The following RPS6KA5 variants were observed in gnomAD, a reference collection of about 807,000 sequenced individuals.
The protein encoded by RPS6KA5 is ribosomal protein S6 kinase A5.
RPS6KA5 carries 27 observed loss-of-function variants against 85.5 expected under a neutral mutation model. The ratio of observed to expected loss-of-function variants is 0.32; its 90% CI spans 0.23 to 0.44. The LOEUF is 0.44. Ranked by LOEUF, RPS6KA5 falls within the 20% of genes least tolerant of loss-of-function variation. The pLI, the probability that RPS6KA5 is intolerant of heterozygous loss-of-function variation, is 1.00. For missense variants in RPS6KA5, 811 were observed against 980.9 expected, an observed-to-expected ratio of 0.83 and a Z score of 2.31; for synonymous variants, 334 against 348.2, an observed-to-expected ratio of 0.96 and a Z score of 0.46.
At chr14:90,918,994 T>C (rs1299858194) in intron 7 of RPS6KA5, among the ~76,000 whole-genome samples, 4 of 152,174 alleles carry the variant, frequency 2.6e-5, no homozygotes, top group African/African-American at 9.6e-5. Context: ...AAAAAATGCC[T>C]GCTGGAAATG....
chr14:90,967,259 G>A (rs995760842), intron 3 of RPS6KA5, among the ~76,000 whole-genome samples: 14 of 151,970 alleles, frequency 9.2e-5, no homozygotes, highest in African/African-American at 3.4e-4. Context: ...TTCTTAAATG[G>A]TCTTCTTTAT....
intron 1 of RPS6KA5, among the ~76,000 whole-genome samples, chr14:91,002,927 T>C (rs1490555150): frequency 2.0e-5 from 3 of 152,180 alleles, no homozygotes; most frequent in South Asian, 2.1e-4. Context: ...AGAGTTCACA[T>C]TGACATCAGT....
In RPS6KA5 at chr14:90,864,234, G is replaced by A. The variant is rs1008381535; in HGVS notation, c.*7840C>T. Reference sequence around the variant, plus strand: ...GGCTCACTGCAACCTCTGCCTCCTGGGTTCAAGCGATTCTCCTGCCTCAGC... The same window carrying A: ...GGCTCACTGCAACCTCTGCCTCCTGAGTTCAAGCGATTCTCCTGCCTCAGC... On this transcript the variant is annotated 3_prime_UTR_variant, in exon 17 of 17. Coordinates refer to ENST00000614987, the MANE Select transcript of RPS6KA5 (RefSeq NM_004755.4). The A allele has an allele frequency of 2.0e-5, 3 of 152,968 alleles. No individual in the cohort carries two copies. The highest frequency in any genetic ancestry group is 7.2e-5 in the African/African-American group (3 of 41,462). The allele number at this position is 152,968 out of a possible 1,614,324, so 9.5% of individuals were successfully genotyped here. A position where few individuals can be genotyped will look rare whatever the true frequency, so the allele number is the denominator to read the frequency against.
Position 91,030,192 on chromosome 14 carries a change from G to A in RPS6KA5, c.104-29033C>T, listed in dbSNP as rs181964634. On this transcript the variant is annotated intron_variant, in intron 1 of 16. Coordinates refer to ENST00000614987, the MANE Select transcript of RPS6KA5 (RefSeq NM_004755.4). ...TGCAAACAGGGGAAATGTCTGAAACGGATTTAAGGAGTTTTATTCCCCAAG... is the reference window on the plus strand; with the variant it reads ...TGCAAACAGGGGAAATGTCTGAAACAGATTTAAGGAGTTTTATTCCCCAAG... Among the ~76,000 whole-genome samples, 357 of 152,180 alleles carry A rather than the reference G, an allele frequency of 2.3e-3. 1 individual carries two copies. Among genetic ancestry groups the A allele is most frequent in the Non-Finnish European group, 2.7e-3 (184 of 67,998 alleles).
chr14:90,890,637 T>C lies in RPS6KA5; in HGVS notation c.1686A>G (p.Lys562=). 2 of 1,614,108 alleles carry C rather than the reference T, an allele frequency of 1.2e-6. No homozygotes were observed. The highest frequency in any genetic ancestry group is 1.7e-6 in the Non-Finnish European group (2 of 1,179,990). The change falls in exon 14 of 17, where the codon AAA becomes AAG. Residue 562 remains lysine, a synonymous_variant. Coordinates refer to ENST00000614987, the MANE Select transcript of RPS6KA5 (RefSeq NM_004755.4). ...FTDENDNLEI[K]IIDFGFARLK... Reference sequence around the variant, plus strand: ...GCCGTGCAAATCCAAAATCAATTATTTTAATTTCCAAATTGTCATTTTCAT... The same window carrying C: ...GCCGTGCAAATCCAAAATCAATTATCTTAATTTCCAAATTGTCATTTTCAT...
Position 90,863,326 on chromosome 14 carries a change from A to AAAAAAAAAAAAAAAAAAAAG in RPS6KA5, c.*8747_*8748insCTTTTTTTTTTTTTTTTTTT, listed in dbSNP as rs1566662643. On this transcript the variant is annotated 3_prime_UTR_variant, in exon 17 of 17. Transcript: ENST00000614987. ...TCAAAAAAAAAAAAAAAAAAAAAAA[A>AAAAAAAAAAAAAAAAAAAAG]AAAAGAAAAGAAAAGAAAAAAATAT... 2.8e-5 allele frequency: 4 copies of AAAAAAAAAAAAAAAAAAAAG among 141,508 alleles called. No individual in the cohort carries two copies. The highest frequency in any genetic ancestry group is 1.1e-4 in the African/African-American group (4 of 35,492). The allele number at this position is 141,508 out of a possible 1,614,324, so 8.8% of individuals were successfully genotyped here.
intron 3 of RPS6KA5, among the ~76,000 whole-genome samples, chr14:90,974,037 C>CAAAAAAAAAAAAAA (rs56212923): frequency 9.8e-5 from 6 of 61,452 alleles, no homozygotes; most frequent in Admixed American, 2.6e-4. Context: ...GACTCCATCT[C>CAAAAAAAAAAAAAA]AAAAAAAAAA....
chr14:90,900,181 T>A lies in RPS6KA5; in HGVS notation c.1306A>T (p.Ser436Cys). 6.2e-7 allele frequency: 1 copy of A among 1,606,178 alleles called. No individual in the cohort carries two copies. The highest frequency in any genetic ancestry group is 8.5e-7 in the Non-Finnish European group (1 of 1,175,522). ...DLKDKPLGEGSFSICRKCVHK... is the reference protein window; with the variant it reads ...DLKDKPLGEGCFSICRKCVHK... ...ACACACTTTCGACAAATTGAAAAAC[T>A]ACCTTCTCCCAGGGGTTTGTCCTTC... is the stretch of plus-strand genomic sequence containing the variant. The change falls in exon 11 of 17, where the codon AGT becomes TGT. Residue 436 changes from serine (S) to cysteine (C), a missense_variant. Physicochemically the swap from Ser to Cys is moderately radical, Grantham distance 112. Transcript: ENST00000614987.
intron 5 of RPS6KA5, among the ~76,000 whole-genome samples, chr14:90,928,891 C>T (rs2036824725): frequency 6.6e-6 from 1 of 151,870 alleles, no homozygotes; most frequent in South Asian, 2.1e-4. Flanking sequence ...GTGACAAATG[C>T]AATTTTATAC....
rs956685241 is a variant in RPS6KA5 at position 90,867,631 on chromosome 14, T to C, written c.*4443A>G. 1 of 152,200 alleles carries C rather than the reference T, an allele frequency of 6.6e-6. No individual in the cohort carries two copies. The highest frequency in any genetic ancestry group is 1.5e-5 in the Non-Finnish European group (1 of 68,018). The allele number at this position is 152,200 out of a possible 1,614,324, so 9.4% of individuals were successfully genotyped here. A position where few individuals can be genotyped will look rare whatever the true frequency, so the allele number is the denominator to read the frequency against. On this transcript the variant is annotated 3_prime_UTR_variant, in exon 17 of 17. Transcript: ENST00000614987. Reference sequence around the variant, plus strand: ...GCCTGATGAATAACTACTAAGAATCTTGTCTTTTAATACAAGTCTCCTTCT... The same window carrying C: ...GCCTGATGAATAACTACTAAGAATCCTGTCTTTTAATACAAGTCTCCTTCT...
Position 90,872,320 on chromosome 14 carries a change from G to C in RPS6KA5, c.2163C>G (p.Ala721=). The C allele has an allele frequency of 6.2e-7, 1 of 1,602,920 alleles. No individual in the cohort carries two copies. The highest frequency in any genetic ancestry group is 1.4e-5 in the African/African-American group (1 of 73,936). ...VHTCVKATFH[A]FNKYKREGFC... ...ACCCCTCTCTCTTGTATTTGTTAAAGGCCTGGCGGGGGAAAAAAAGGGAAC... is the reference window on the plus strand; with the variant it reads ...ACCCCTCTCTCTTGTATTTGTTAAACGCCTGGCGGGGGAAAAAAAGGGAAC... The change falls in exon 17 of 17, where the codon GCC becomes GCG. Residue 721 remains alanine (A), a splice_region_variant and synonymous_variant. Coordinates refer to ENST00000614987, the MANE Select transcript of RPS6KA5 (RefSeq NM_004755.4).
At chr14:90,905,012 A>C (rs1438590481) in intron 8 of RPS6KA5, among the ~76,000 whole-genome samples, 1 of 152,216 alleles carries the variant, frequency 6.6e-6, no homozygotes, top group African/African-American at 2.4e-5. Flanking sequence ...TTGTTCAAAG[A>C]GTAATCCTTC....
At chr14:90,999,504 G>A (rs1307539647) in intron 2 of RPS6KA5, among the ~76,000 whole-genome samples, 1 of 152,174 alleles carries the variant, frequency 6.6e-6, no homozygotes, top group Non-Finnish European at 1.5e-5. Flanking sequence ...TGAGAATGGG[G>A]AGGAGGAGGG....
intron 12 of RPS6KA5, among the ~76,000 whole-genome samples, chr14:90,895,528 T>C (rs1338807806): frequency 1.3e-5 from 2 of 152,198 alleles, no homozygotes; most frequent in East Asian, 1.9e-4. Context: ...GTAAGTTATA[T>C]GTTTACCATC....
intron 1 of RPS6KA5, among the ~76,000 whole-genome samples, chr14:91,030,452 T>C (rs1251905375): frequency 1.3e-5 from 2 of 151,734 alleles, no homozygotes; most frequent in Admixed American, 6.6e-5. Flanking sequence ...GTTGTTGATA[T>C]TGACATATGG....
At chr14:90,989,815 C>A (rs1566833393) in intron 2 of RPS6KA5, among the ~76,000 whole-genome samples, 2 of 152,146 alleles carry the variant, frequency 1.3e-5, no homozygotes, top group Non-Finnish European at 2.9e-5. Flanking sequence ...GCATAAATGA[C>A]ATACTTGATA....
In RPS6KA5 at chr14:90,857,973, C is replaced by G. The variant is rs1250070905; in HGVS notation, c.*14101G>C. The stretch of plus-strand genomic sequence containing the variant: ...GCCTTCACATATGACCATGTGACAA[C>G]CAAGTTATCAATGCCAGAAGCCACT... On this transcript the variant is annotated 3_prime_UTR_variant, in exon 17 of 17. Coordinates refer to ENST00000614987, the MANE Select transcript of RPS6KA5 (RefSeq NM_004755.4). 6.6e-6 allele frequency: 1 copy of G among 152,114 alleles called. No homozygotes were observed. The highest frequency in any genetic ancestry group is 1.5e-5 in the Non-Finnish European group (1 of 68,020). The allele number at this position is 152,114 out of a possible 1,614,324, so 9.4% of individuals were successfully genotyped here. A position where few individuals can be genotyped will look rare whatever the true frequency, so the allele number is the denominator to read the frequency against.
intron 1 of RPS6KA5, among the ~76,000 whole-genome samples, chr14:91,056,037 A>C (rs1265450983): frequency 6.6e-6 from 1 of 152,180 alleles, no homozygotes; most frequent in Non-Finnish European, 1.5e-5. Context: ...TAGAATCAAG[A>C]AGCTTCCTGT....
chr14:90,981,027 C>G (rs972712720), intron 2 of RPS6KA5, among the ~76,000 whole-genome samples: 4 of 152,140 alleles, frequency 2.6e-5, no homozygotes, highest in African/African-American at 9.7e-5. Context: ...CAAAATTAGC[C>G]GAGCATGGTG....
Sources: allele counts gnomAD v4.1 joint callset (sites outside exome capture counted in the v4.1 genomes callset), GRCh38; gene constraint gnomAD v4.1.1; transcripts MANE v1.5; gene names NCBI Gene and HGNC (gene_info 2026-07-23, HGNC 2026-07-21).